The following MYH9 variants were observed in gnomAD, a reference collection of about 807,000 sequenced individuals.
The protein encoded by MYH9 is myosin-9.
In MYH9, 29 loss-of-function variants were observed where a neutral mutation model predicts 241.9. That is an observed-to-expected ratio of 0.12 (90% CI 0.09 to 0.16). The LOEUF (loss-of-function observed/expected upper bound fraction) is 0.16, where lower values mean the gene tolerates loss of function less well. MYH9 is among the 10% of genes least tolerant of loss of function. The pLI is 1.00. For missense variants in MYH9, 1,803 were observed against 2,595.5 expected (o/e 0.69, Z 6.63); for synonymous variants, 1,047 against 1,062.6 (o/e 0.99, Z 0.29).
Position 36,306,525 on chromosome 22 carries a change from C to G in MYH9, c.1926G>C (p.Met642Ile). 6.2e-7 allele frequency: 1 copy of G among 1,614,144 alleles called. No homozygotes were observed. The highest frequency in any genetic ancestry group is 8.5e-7 in the Non-Finnish European group (1 of 1,180,040). ...LPGAFKTRKGMFRTVGQLYKE... is the reference protein window; with the variant it reads ...LPGAFKTRKGIFRTVGQLYKE... Reference sequence around the variant, plus strand: ...TGTAAAGCTGCCCCACAGTGCGGAACATGCCCTTCCGCGTCTTGAAGGCCC... The same window carrying G: ...TGTAAAGCTGCCCCACAGTGCGGAAGATGCCCTTCCGCGTCTTGAAGGCCC... The change falls in exon 16 of 41, where the codon ATG becomes ATC. Residue 642 changes from methionine to isoleucine, a missense_variant. This residue lies in a region of MYH9 where 163 missense variants were observed against 349.7 expected (regional missense o/e 0.47). Transcript: ENST00000216181. This position sits in a 1 kb window ranked among gnomAD's most constrained non-coding sequence, Gnocchi z 4.1.
intron 1 of MYH9, among the ~76,000 whole-genome samples, chr22:36,351,651 C>A (rs1036929134): frequency 6.6e-6 from 1 of 152,094 alleles, no homozygotes; most frequent in Non-Finnish European, 1.5e-5. Flanking sequence ...CCCAGGCTCC[C>A]CAAAGTCTCC....
chr22:36,338,378 A>AGC (rs1205696544), intron 3 of MYH9, among the ~76,000 whole-genome samples: 1 of 152,196 alleles, frequency 6.6e-6, no homozygotes, highest in Non-Finnish European at 1.5e-5. Flanking sequence ...GTCCAATGCT[A>AGC]GCAGAAGGCA....
At chr22:36,357,984 A>G (rs1259881977) in intron 1 of MYH9, among the ~76,000 whole-genome samples, 1 of 152,222 alleles carries the variant, frequency 6.6e-6, no homozygotes, top group Non-Finnish European at 1.5e-5. Flanking sequence ...ACTCATAAGC[A>G]AAGTCACCAG....
intron 14 of MYH9, among the ~76,000 whole-genome samples, chr22:36,311,413 T>C (rs1049699948): frequency 1.3e-5 from 2 of 152,048 alleles, no homozygotes; most frequent in Non-Finnish European, 2.9e-5. Context: ...TGGAGACATT[T>C]TGGGTTGTCA....
chr22:36,337,368 A>C (rs910081061), intron 3 of MYH9, among the ~76,000 whole-genome samples: 3 of 152,206 alleles, frequency 2.0e-5, no homozygotes, highest in African/African-American at 7.2e-5. Context: ...TAGTCTGACA[A>C]TAGGTGAGTG....
At chr22:36,366,147 C>T (rs937889887) in intron 1 of MYH9, among the ~76,000 whole-genome samples, 2 of 152,108 alleles carry the variant, frequency 1.3e-5, no homozygotes, top group East Asian at 1.9e-4. Flanking sequence ...AAGATCCTGC[C>T]ACTGCACTCC....
At chr22:36,299,210 C>T (rs553196347) in intron 23 of MYH9, among the ~76,000 whole-genome samples, 168 bp from the exon 24 acceptor site, 3 of 152,258 alleles carry the variant, frequency 2.0e-5, no homozygotes, top group African/African-American at 7.2e-5. Context: ...TGAAAGGTCA[C>T]GAGCTCCCCT....
At position 36,349,009 on chromosome 22, in the gene MYH9, G is replaced by A. The variant is rs776330753; in HGVS notation, c.228C>T (p.Asn76=). The part of the protein sequence containing the change: ...KVNKDDIQKM[N]PPKFSKVEDM... ...CCTCCACCTTGGAGAACTTGGGCGG[G>A]TTCATCTTCTGGATGTCATCCTTGT... The change falls in exon 2 of 41, where the codon AAC becomes AAT. Residue 76 remains asparagine (N), a synonymous_variant. Coordinates refer to ENST00000216181, the MANE Select transcript of MYH9 (RefSeq NM_002473.6). 6.2e-6 allele frequency: 10 copies of A among 1,614,226 alleles called. No individual in the cohort carries two copies. The highest frequency in any genetic ancestry group is 1.1e-5 in the South Asian group (1 of 91,088).
intron 3 of MYH9, 21 bp from the exon 4 acceptor site, chr22:36,327,509 G>C: frequency 6.2e-7 from 1 of 1,613,894 alleles, no homozygotes; most frequent in Non-Finnish European, 8.5e-7. Flanking sequence ...GAAGACATCA[G>C]ATTAACTCCC....
rs545434264 is a variant in MYH9 at position 36,295,457 on chromosome 22, C to T, written c.3485+48G>A. ...GGGGTCCATGTCTCCAAGCCAAGGC[C>T]CCCCTGGCTGCCCTCCCCATCCCGA... On this transcript the variant is annotated intron_variant, in intron 26 of 40. Transcript: ENST00000216181. This position sits in a 1 kb window ranked among gnomAD's most constrained non-coding sequence, Gnocchi z 4.1. 1.3e-6 allele frequency: 2 copies of T among 1,537,222 alleles called. No individual in the cohort carries two copies. The highest frequency in any genetic ancestry group is 2.3e-5 in the East Asian group (1 of 44,350).
intron 1 of MYH9, among the ~76,000 whole-genome samples, chr22:36,355,195 G>A (rs555368430): frequency 1.1e-4 from 17 of 152,220 alleles, no homozygotes; most frequent in Non-Finnish European, 1.9e-4. Flanking sequence ...CCAAGCAGTT[G>A]CCTTTTTAGG....
chr22:36,307,751 G>C (rs1040271140), intron 15 of MYH9, among the ~76,000 whole-genome samples: 19 of 152,172 alleles, frequency 1.2e-4, no homozygotes, highest in African/African-American at 4.3e-4. Context: ...AGCTGGGCGT[G>C]GTGGCGGGTG....
chr22:36,361,943 G>A (rs958428857), intron 1 of MYH9, among the ~76,000 whole-genome samples: 6 of 152,124 alleles, frequency 3.9e-5, no homozygotes, highest in Admixed American at 2.0e-4. Context: ...GATGGTGTGC[G>A]CCTGTAATCC....
chr22:36,299,833 A>G (rs1357932787), intron 23 of MYH9, among the ~76,000 whole-genome samples: 1 of 152,196 alleles, frequency 6.6e-6, no homozygotes, highest in East Asian at 1.9e-4. Flanking sequence ...AACACTTGCA[A>G]TGCTGCACAG....
chr22:36,384,075 A>G (rs965504126), intron 1 of MYH9, among the ~76,000 whole-genome samples: 1 of 151,676 alleles, frequency 6.6e-6, no homozygotes, highest in African/African-American at 2.4e-5. Flanking sequence ...GTTCCAGACC[A>G]GCGTGGTCAA....
chr22:36,282,385 G>T lies in MYH9; in HGVS notation c.*283C>A, dbSNP rs1178067182. 3.5e-6 allele frequency: 2 copies of T among 577,314 alleles called. No homozygotes were observed. Among genetic ancestry groups the T allele is most frequent in the East Asian group, 5.8e-5 (2 of 34,590 alleles). The allele number at this position is 577,314 out of a possible 1,614,324, so 35.8% of individuals were successfully genotyped here. ...CAACATCTTGTGCTTTTTGGCAAGA[G>T]AGGGCTGAGGAGCCTGCTGGTCGCT... On this transcript the variant is annotated 3_prime_UTR_variant, in exon 41 of 41. Transcript: ENST00000216181.
chr22:36,333,298 G>A (rs942000590), intron 3 of MYH9, among the ~76,000 whole-genome samples: 1 of 152,240 alleles, frequency 6.6e-6, no homozygotes, highest in East Asian at 1.9e-4. Flanking sequence ...TGCCTCGGAG[G>A]AGCGGTCGGT....
chr22:36,357,811 A>G (rs1055247551), intron 1 of MYH9, among the ~76,000 whole-genome samples: 2 of 152,168 alleles, frequency 1.3e-5, no homozygotes, highest in African/African-American at 4.8e-5. Flanking sequence ...AACATACTGT[A>G]TTCTAAGAGA....
At chr22:36,309,020 G>T in intron 15 of MYH9, 1 of 323,490 alleles carries the variant, frequency 3.1e-6, no homozygotes, top group Non-Finnish European at 4.4e-6. Flanking sequence ...GGGCTTCGAG[G>T]CTCGGGGCTG....
Sources: allele counts gnomAD v4.1 joint callset (sites outside exome capture counted in the v4.1 genomes callset), GRCh38; gene constraint gnomAD v4.1.1; regional missense constraint gnomAD v4.1.1; non-coding constraint Gnocchi (gnomAD v3.1); transcripts MANE v1.5; gene names NCBI Gene and HGNC (gene_info 2026-07-23, HGNC 2026-07-21).